Variants in PTPRF observed in about 807,000 individuals in gnomAD.
PTPRF encodes receptor-type tyrosine-protein phosphatase F.
PTPRF carries 59 observed loss-of-function variants against 201.8 expected under a neutral mutation model. The observed-to-expected ratio is 0.29, with a 90% CI of 0.24 to 0.36. The LOEUF is 0.36. PTPRF is among the 10% of genes least tolerant of loss of function. The pLI is 1.00. For synonymous variants in PTPRF, 1,088 were observed against 1,089.7 expected (o/e 1.00, Z 0.03); for missense variants, 2,132 against 2,690.5 (o/e 0.79, Z 4.59).
At chr1:43,618,102 G>A (rs1408368471) in intron 25 of PTPRF, among the ~76,000 whole-genome samples, 191 bp downstream of exon 25, 1 of 152,200 alleles carries the variant, frequency 6.6e-6, no homozygotes, top group Non-Finnish European at 1.5e-5. Context: ...TTCCCCACAT[G>A]CTAGTGGGTT....
Position 43,620,914 on chromosome 1 carries a change from G to T in PTPRF, c.5441G>T (p.Gly1814Val). 1 of 1,614,236 alleles carries T rather than the reference G, an allele frequency of 6.2e-7. No individual in the cohort carries two copies. The highest frequency in any genetic ancestry group is 8.5e-7 in the Non-Finnish European group (1 of 1,180,032). Residue 1814 changes from glycine to valine, a missense_variant, in exon 32 of 34, where the codon GGA becomes GTA. Transcript: ENST00000359947. ...PEQGVPKTGE[G>V]FIDFIGQVHK... The stretch of plus-strand genomic sequence containing the variant: ...CAGGGCGTGCCCAAGACAGGCGAGG[G>T]ATTCATTGACTTCATCGGGCAGGTG...
At chr1:43,617,399 A>G (rs769927503) in intron 23 of PTPRF, 46 bp from the exon 24 acceptor site, 2 of 1,612,312 alleles carry the variant, frequency 1.2e-6, no homozygotes, top group African/African-American at 2.7e-5. Flanking sequence ...AAGCAGGTCA[A>G]CCTTGGCTCT....
chr1:43,611,506 G>A (rs1473973762), intron 22 of PTPRF, among the ~76,000 whole-genome samples: 1 of 152,222 alleles, frequency 6.6e-6, no homozygotes, highest in Non-Finnish European at 1.5e-5. Context: ...CTAGGCAGAG[G>A]TCCAGTCAAA....
chr1:43,559,449 A>T (rs1645632799), intron 5 of PTPRF, among the ~76,000 whole-genome samples: 1 of 151,578 alleles, frequency 6.6e-6, no homozygotes, highest in African/African-American at 2.4e-5. Context: ...GGCAGTAGGC[A>T]GTGTGTGTGT....
chr1:43,612,670 C>A, intron 22 of PTPRF: 1 of 1,135,354 alleles, frequency 8.8e-7, no homozygotes, highest in Non-Finnish European at 1.2e-6. Flanking sequence ...TCGGCACCTC[C>A]ACTGTGTGTG....
At chr1:43,614,142 A>C (rs184456835) in intron 23 of PTPRF, among the ~76,000 whole-genome samples, 1 of 152,298 alleles carries the variant, frequency 6.6e-6, no homozygotes, top group East Asian at 1.9e-4. Flanking sequence ...TGGTTCCCCC[A>C]CAGTCTTCAG....
chr1:43,554,947 G>A lies in PTPRF; in HGVS notation c.379+1006G>A, dbSNP rs1231157161. ...CAGCTCACTGCAACCTCTGCCTCCC[G>A]GGTTCAAGCGATTCTCCTGCCCGGC... On this transcript the variant is annotated intron_variant, in intron 5 of 33. Transcript: ENST00000359947. The surrounding 1 kb of genome is among the most constrained non-coding windows in gnomAD (Gnocchi z 4.1). 6.7e-6 allele frequency among the ~76,000 whole-genome samples: 1 copy of A among 150,322 alleles called. No individual in the cohort carries two copies. Among genetic ancestry groups the A allele is most frequent in the Non-Finnish European group, 1.5e-5 (1 of 67,738 alleles).
chr1:43,550,248 C>T (rs149029928), intron 3 of PTPRF, among the ~76,000 whole-genome samples: 3 of 152,350 alleles, frequency 2.0e-5, no homozygotes, highest in Non-Finnish European at 4.4e-5. Flanking sequence ...ACAGCCCAGC[C>T]TCCCACGGCT....
At chr1:43,547,635 G>T (rs951783879) in intron 3 of PTPRF, among the ~76,000 whole-genome samples, 2 of 152,248 alleles carry the variant, frequency 1.3e-5, no homozygotes, top group Admixed American at 1.3e-4. Context: ...TTGACAGCTG[G>T]GGCAGTGAAG....
chr1:43,541,970 G>C lies in PTPRF; in HGVS notation c.-45-3061G>C, dbSNP rs547092701. The stretch of plus-strand genomic sequence containing the variant: ...AGGCTCACCCAGCCATGCTGGTGAA[G>C]TGGGTGTTCTGCTGTGAACACCGTT... On this transcript the variant is annotated intron_variant, in intron 2 of 33. Transcript: ENST00000359947. Among the ~76,000 whole-genome samples the C allele has an allele frequency of 5.9e-5, 9 of 152,330 alleles. No individual in the cohort carries two copies. The South Asian group carries it at 1.5e-3, about 25-fold the overall frequency.
rs1428043498 is a variant in PTPRF at position 43,619,757 on chromosome 1, G to A, written c.5010G>A (p.Leu1670=). 6.2e-7 allele frequency: 1 copy of A among 1,614,264 alleles called. No individual in the cohort carries two copies. Among genetic ancestry groups the A allele is most frequent in the East Asian group, 2.2e-5 (1 of 44,894 alleles). ...CCTGCAACAAGTTCAAGAACCGGCTGGTGAACATCATGCCCTACGAATTGA... is the reference window on the plus strand; with the variant it reads ...CCTGCAACAAGTTCAAGAACCGGCTAGTGAACATCATGCCCTACGAATTGA... ...NLPCNKFKNR[L]VNIMPYELTR... The change falls in exon 29 of 34, where the codon CTG becomes CTA. Residue 1670 remains leucine, a synonymous_variant. Coordinates refer to ENST00000359947, the MANE Select transcript of PTPRF (RefSeq NM_002840.5).
chr1:43,586,500 C>T (rs1225029362), intron 7 of PTPRF, among the ~76,000 whole-genome samples: 1 of 152,240 alleles, frequency 6.6e-6, no homozygotes, highest in African/African-American at 2.4e-5. Flanking sequence ...GCCAGCCATG[C>T]CCCGGGATCC....
At chr1:43,615,280 G>A (rs1033645033) in intron 23 of PTPRF, among the ~76,000 whole-genome samples, 1 of 152,146 alleles carries the variant, frequency 6.6e-6, no homozygotes, top group African/African-American at 2.4e-5. Context: ...TTTGGGTCAC[G>A]GAGCCCGTAA....
At position 43,606,403 on chromosome 1, in the gene PTPRF, C is replaced by T. The variant is rs566920391; in HGVS notation, c.3647C>T (p.Pro1216Leu). 9.9e-5 allele frequency: 160 copies of T among 1,614,146 alleles called. No individual in the cohort carries two copies. Among genetic ancestry groups the T allele is most frequent in the South Asian group, 9.7e-4 (88 of 91,078 alleles). ...GGCTTCTACAACCGGCCCCTGTCTC[C>T]GGACTTGAGCTACCAGTGCTTTGTG... The part of the protein sequence containing the change: ...YRGFYNRPLS[P>L]DLSYQCFVLA... The change falls in exon 20 of 34, where the codon CCG becomes CTG. Residue 1216 changes from proline (P) to leucine (L), a missense_variant. By Grantham distance (98) the Pro-to-Leu change is moderately conservative. Transcript: ENST00000359947.
intron 2 of PTPRF, among the ~76,000 whole-genome samples, chr1:43,543,328 G>A (rs867441904): frequency 1.8e-4 from 27 of 152,354 alleles, no homozygotes; most frequent in African/African-American, 5.5e-4. Context: ...CCTTGCAGGC[G>A]TCATTGTGGT....
At chr1:43,595,915 A>AG (rs1652140593) in intron 11 of PTPRF, among the ~76,000 whole-genome samples, 1 of 152,080 alleles carries the variant, frequency 6.6e-6, no homozygotes, top group South Asian at 2.1e-4. Flanking sequence ...CGAGCCAGGC[A>AG]GGGGGCAGAA....
chr1:43,611,588 T>A (rs1373692683), intron 22 of PTPRF, among the ~76,000 whole-genome samples: 1 of 152,068 alleles, frequency 6.6e-6, no homozygotes, highest in African/African-American at 2.4e-5. Flanking sequence ...TATTAAAGGT[T>A]TTCAGCGGGG....
rs996563431 is a variant in PTPRF, at chr1:43,605,193, C to G, written c.3139C>G (p.Leu1047Val). Residue 1047 changes from leucine (L) to valine (V), a missense_variant, in exon 18 of 34, where the codon CTG becomes GTG. By Grantham distance (32) the Leu-to-Val change is conservative. Transcript: ENST00000359947. ...TTGCCCCTCCCGTCCCCCACAGATT[C>G]TGTACAATGGGCAGAGTGTGGAGGT... ...SYKSAVPFKI[L>V]YNGQSVEVDG... 6.3e-7 allele frequency: 1 copy of G among 1,596,674 alleles called. No individual in the cohort carries two copies. The highest frequency in any genetic ancestry group is 8.6e-7 in the Non-Finnish European group (1 of 1,167,218).
chr1:43,622,278 C>T lies in PTPRF; in HGVS notation c.*275C>T, dbSNP rs560151700. The T allele has an allele frequency of 2.7e-5, 13 of 475,340 alleles. No individual in the cohort carries two copies. Among genetic ancestry groups the T allele is most frequent in the South Asian group, 2.1e-4 (7 of 33,666 alleles). 29.4% of individuals were successfully genotyped at this position (475,340 alleles called of 1,614,324 possible). A position where few individuals can be genotyped will look rare whatever the true frequency, so the allele number is the denominator to read the frequency against. On this transcript the variant is annotated 3_prime_UTR_variant, in exon 34 of 34. Transcript: ENST00000359947. ...CGCTTCAAGCTCTCTGTTGCGCTCC[C>T]GCATTTCTCATGCTTCTTCTCATGG... is the stretch of plus-strand genomic sequence containing the variant.
Sources: gnomAD v4.1 joint callset for allele counts (sites outside exome capture counted in the v4.1 genomes callset) on GRCh38, gnomAD v4.1.1 for gene constraint, Gnocchi (gnomAD v3.1) non-coding constraint, MANE v1.5 for transcripts, NCBI Gene and HGNC (gene_info 2026-07-23, HGNC 2026-07-21) for gene names.